The following NCR3LG1 variants were observed in gnomAD, a reference collection of about 807,000 sequenced individuals.
NCR3LG1 encodes the protein natural killer cell cytotoxicity receptor 3 ligand 1, also known as natural cytotoxicity triggering receptor 3 ligand 1.
Under a neutral mutation model 34.8 loss-of-function variants are expected in NCR3LG1, and 35 were observed. That is an observed-to-expected ratio of 1.01 (90% CI 0.77 to 1.33). The LOEUF (loss-of-function observed/expected upper bound fraction) is 1.33, where lower values mean the gene tolerates loss of function less well. Among genes scored for constraint, NCR3LG1 ranks in the 40% most tolerant of loss-of-function variants. NCR3LG1 has a pLI of 0.00. For synonymous variants in NCR3LG1, 173 were observed against 163.6 expected (o/e 1.06, Z -0.44); for missense variants, 452 against 423.3 (o/e 1.07, Z -0.60).
intron 2 of NCR3LG1, among the ~76,000 whole-genome samples, chr11:17,366,679 C>T (rs1050348792): frequency 6.6e-6 from 1 of 152,138 alleles, no homozygotes; most frequent in African/African-American, 2.4e-5. Flanking sequence ...GCACTGGCAC[C>T]AACATACCCA....
At chr11:17,355,957 TGG>T (rs980912031) in intron 1 of NCR3LG1, among the ~76,000 whole-genome samples, 4 of 151,816 alleles carry the variant, frequency 2.6e-5, no homozygotes, top group Admixed American at 2.6e-4. Flanking sequence ...ACCACCATGC[TGG>T]GCTAATTTAT....
rs2133341710 is a variant in NCR3LG1, at chr11:17,356,697, C to G, written c.117C>G (p.Pro39=). 1.3e-6 allele frequency: 2 copies of G among 1,536,236 alleles called. No individual in the cohort carries two copies. The highest frequency in any genetic ancestry group is 2.4e-5 in the East Asian group (1 of 40,920). Residue 39 remains proline, a synonymous_variant, in exon 2 of 5, where the codon CCC becomes CCG. Coordinates refer to ENST00000338965, the MANE Select transcript of NCR3LG1 (RefSeq NM_001202439.3). ...TGGCAGGGGGGACTCAGATCACACC[C>G]CTGAATGACAATGTCACCATATTCT... ...EMMAGGTQIT[P]LNDNVTIFCN...
Position 17,373,448 on chromosome 11 carries a change from A to G in NCR3LG1, c.*936A>G. The G allele has an allele frequency of 6.6e-6, 1 of 152,494 alleles. No homozygotes were observed. Among genetic ancestry groups the G allele is most frequent in the Non-Finnish European group, 1.5e-5 (1 of 68,204 alleles). The allele number at this position is 152,494 out of a possible 1,614,324, so 9.4% of individuals were successfully genotyped here. A position where few individuals can be genotyped will look rare whatever the true frequency, so the allele number is the denominator to read the frequency against. On this transcript the variant is annotated 3_prime_UTR_variant, in exon 5 of 5. Transcript: ENST00000338965. ...CCACTGGAAGGCAGACTGTCCTGGGAAGCATAGGTCACTGAGTCCAGAGCC... is the reference window on the plus strand; with the variant it reads ...CCACTGGAAGGCAGACTGTCCTGGGGAGCATAGGTCACTGAGTCCAGAGCC...
At chr11:17,362,851 C>T (rs1337007801) in intron 2 of NCR3LG1, among the ~76,000 whole-genome samples, 14 of 135,992 alleles carry the variant, frequency 1.0e-4, no homozygotes, top group Non-Finnish European at 1.3e-4. Context: ...TCTTCATTTC[C>T]TTCCTTTCTT....
Position 17,356,744 on chromosome 11 carries a change from C to T in NCR3LG1, c.164C>T (p.Pro55Leu). The part of the protein sequence containing the change: ...TIFCNIFYSQ[P>L]LNITSMGITW... ...TTCTGCAATATCTTTTATTCCCAACCCCTCAACATCACGTCTATGGGTATC... is the reference window on the plus strand; with the variant it reads ...TTCTGCAATATCTTTTATTCCCAACTCCTCAACATCACGTCTATGGGTATC... The change falls in exon 2 of 5, where the codon CCC (proline) becomes CTC (leucine). Residue 55 changes from proline (P) to leucine (L), a missense_variant. Coordinates refer to ENST00000338965, the MANE Select transcript of NCR3LG1 (RefSeq NM_001202439.3). 2 of 1,536,388 alleles carry T rather than the reference C, an allele frequency of 1.3e-6. No individual in the cohort carries two copies. The highest frequency in any genetic ancestry group is 1.7e-6 in the Non-Finnish European group (2 of 1,146,956).
rs1953479133 is a variant in NCR3LG1 at position 17,376,503 on chromosome 11, A to AG, written c.*3992dup. 1 of 152,218 alleles carries AG rather than the reference A, an allele frequency of 6.6e-6. No homozygotes were observed. The highest frequency in any genetic ancestry group is 2.4e-5 in the African/African-American group (1 of 41,452). The allele number at this position is 152,218 out of a possible 1,614,324, so 9.4% of individuals were successfully genotyped here. Reference sequence around the variant, plus strand: ...TGGGTCTGTCCTGAGCGGTTTGCTCAGTTCAGTAACACTAAGGAACCTCTT... The same window carrying AG: ...TGGGTCTGTCCTGAGCGGTTTGCTCAGGTTCAGTAACACTAAGGAACCTCTT... On this transcript the variant is annotated 3_prime_UTR_variant, in exon 5 of 5. Transcript: ENST00000338965.
At chr11:17,362,599 T>C (rs533758552) in intron 2 of NCR3LG1, among the ~76,000 whole-genome samples, 23 of 151,778 alleles carry the variant, frequency 1.5e-4, no homozygotes, top group African/African-American at 5.6e-4. Flanking sequence ...CATCCGAACC[T>C]GGTGCTTTCC....
downstream of NCR3LG1, chr11:17,381,091 T>G (rs1252206276): frequency 6.6e-6 from 1 of 152,224 alleles, no homozygotes; most frequent in African/African-American, 2.4e-5. Context: ...TGCCTTTCCT[T>G]CACAGTCAGC....
At chr11:17,364,335 C>T (rs1032772923) in intron 2 of NCR3LG1, among the ~76,000 whole-genome samples, 1 of 152,076 alleles carries the variant, frequency 6.6e-6, no homozygotes, top group African/African-American at 2.4e-5. Context: ...GCTGGGACTA[C>T]AGGTGTGCAC....
intron 1 of NCR3LG1, among the ~76,000 whole-genome samples, chr11:17,356,294 C>T (rs1181781507): frequency 2.6e-5 from 4 of 151,732 alleles, no homozygotes; most frequent in Non-Finnish European, 4.4e-5. Context: ...TGCACCACCA[C>T]GCCTGGCTAA....
Position 17,376,448 on chromosome 11 carries a change from G to T in NCR3LG1, c.*3936G>T, listed in dbSNP as rs1316113976. The T allele has an allele frequency of 1.3e-5, 2 of 152,196 alleles. No homozygotes were observed. The highest frequency in any genetic ancestry group is 4.8e-5 in the African/African-American group (2 of 41,454). The allele number at this position is 152,196 out of a possible 1,614,324, so 9.4% of individuals were successfully genotyped here. ...ACACCCTTTAGCCTCTACTGTGTCA[G>T]CCATGTCCCATTTATACAAGACAAA... On this transcript the variant is annotated 3_prime_UTR_variant, in exon 5 of 5. Transcript: ENST00000338965.
chr11:17,352,003 G>T lies in NCR3LG1; in HGVS notation c.34G>T (p.Ala12Ser). 1 of 1,524,596 alleles carries T rather than the reference G, an allele frequency of 6.6e-7. No individual in the cohort carries two copies. 94.4% of individuals were successfully genotyped at this position (1,524,596 alleles called of 1,614,324 possible). Residue 12 changes from alanine (A) to serine (S), a missense_variant, in exon 1 of 5, where the codon GCG becomes TCG. Transcript: ENST00000338965. ...TWRAAASTCA[A>S]LLILLWALTT... is the part of the protein sequence containing the mutation. Reference sequence around the variant, plus strand: ...GAGGGCTGCCGCCTCCACGTGCGCGGCGCTCCTGATTCTGCTGTGGGCGCT... The same window carrying T: ...GAGGGCTGCCGCCTCCACGTGCGCGTCGCTCCTGATTCTGCTGTGGGCGCT...
chr11:17,354,046 T>A (rs562056820), intron 1 of NCR3LG1, among the ~76,000 whole-genome samples: 9 of 152,194 alleles, frequency 5.9e-5, no homozygotes, highest in Non-Finnish European at 1.2e-4. Flanking sequence ...AGCCCGTCTT[T>A]GTATGAGAAT....
intron 1 of NCR3LG1, among the ~76,000 whole-genome samples, chr11:17,353,274 G>C (rs1433771100): frequency 6.6e-6 from 1 of 152,272 alleles, no homozygotes; most frequent in African/African-American, 2.4e-5. Flanking sequence ...GGAGAGGGAA[G>C]TGGAAATAAA....
At chr11:17,380,594 TCCCAC>T (rs760083606), downstream of NCR3LG1, 2 of 152,118 alleles carry the variant, frequency 1.3e-5, no homozygotes, top group Non-Finnish European at 2.9e-5. Flanking sequence ...CAAGCGATAC[TCCCAC>T]CTCAGTTTCC....
At chr11:17,362,741 TTTCTTTCTTTC>T (rs1564856484) in intron 2 of NCR3LG1, among the ~76,000 whole-genome samples, 1,239 of 99,782 alleles carry the variant, frequency 0.012, 122 homozygotes, top group African/African-American at 0.067. Context: ...TCTTTCTTTC[TTTCTTTCTTTC>T]TTTCTTTCTT....
chr11:17,364,342 G>A (rs1953320832), intron 2 of NCR3LG1, among the ~76,000 whole-genome samples: 1 of 152,020 alleles, frequency 6.6e-6, no homozygotes, highest in Non-Finnish European at 1.5e-5. Flanking sequence ...CTACAGGTGT[G>A]CACAACCATG....
At chr11:17,357,841 G>A (rs1354567151) in intron 2 of NCR3LG1, among the ~76,000 whole-genome samples, 1 of 152,068 alleles carries the variant, frequency 6.6e-6, no homozygotes, top group Non-Finnish European at 1.5e-5. Context: ...TGAGTAGCTA[G>A]GACCTCGGTT....
rs1953141241 is a variant in NCR3LG1, at chr11:17,352,027, C to T, written c.58C>T (p.Leu20=). ...CAALLILLWA[L]TTEGDLKVEM... is the part of the protein sequence containing the mutation. ...GGCGCTCCTGATTCTGCTGTGGGCG[C>T]TGACGACCGAAGGTAGGGGGCGGCT... The change falls in exon 1 of 5, where the codon CTG becomes TTG. Residue 20 remains leucine, a synonymous_variant. Transcript: ENST00000338965. The T allele has an allele frequency of 1.8e-6, 2 of 1,136,796 alleles. No individual in the cohort carries two copies. Among genetic ancestry groups the T allele is most frequent in the Non-Finnish European group, 2.3e-6 (2 of 866,152 alleles). 70.4% of individuals were successfully genotyped at this position (1,136,796 alleles called of 1,614,324 possible). A position where few individuals can be genotyped will look rare whatever the true frequency, so the allele number is the denominator to read the frequency against.
Sources: gnomAD v4.1 joint callset for allele counts (sites outside exome capture counted in the v4.1 genomes callset) on GRCh38, gnomAD v4.1.1 for gene constraint, MANE v1.5 for transcripts, NCBI Gene and HGNC (gene_info 2026-07-23, HGNC 2026-07-21) for gene names.